MYH16: variants seen among roughly 807,000 people sequenced by gnomAD.
The protein encoded by MYH16 is putative uncharacterized protein MYH16.
chr7:99,294,545 GA>G lies in MYH16; in HGVS notation n.4282+405del, dbSNP rs200644722. On this transcript the variant is annotated intron_variant and non_coding_transcript_variant, in intron 33 of 41. Transcript: ENST00000439784. Reference sequence around the variant, plus strand: ...AAAAAGAAAAAGAAAAAGAAAAAAAGAAAAAAAAAATATATATATATATTTT... The same window carrying G: ...AAAAAGAAAAAGAAAAAGAAAAAAAGAAAAAAAAATATATATATATATTTT... Among the ~76,000 whole-genome samples, 242 of 77,746 alleles carry G rather than the reference GA, an allele frequency of 3.1e-3. No homozygotes were observed. In the East Asian group the frequency reaches 0.039, roughly 13 times the overall value. 51.0% of individuals were successfully genotyped at this position (77,746 alleles called of 152,430 possible).
intron 33 of MYH16, among the ~76,000 whole-genome samples, chr7:99,294,660 G>A (rs1212143906): frequency 6.6e-6 from 1 of 151,532 alleles, no homozygotes; most frequent in African/African-American, 2.4e-5. Flanking sequence ...CCACCTCCTG[G>A]ATTCAAGCAA....
At chr7:99,284,809 G>A (rs1792254803) in intron 25 of MYH16, 36 bp from the exon 8 acceptor site, 3 of 456,324 alleles carry the variant, frequency 6.6e-6, no homozygotes, top group Non-Finnish European at 1.3e-5. Context: ...TCTACCCTCA[G>A]AGCCTTTCCT....
At chr7:99,277,391 G>A (rs1372096848) in intron 20 of MYH16, 148 bp from the exon 3 acceptor site, 2 of 337,254 alleles carry the variant, frequency 5.9e-6, no homozygotes, top group Non-Finnish European at 1.2e-5. Flanking sequence ...CTGTGGAGAG[G>A]GACCCCACCC....
At chr7:99,297,720 A>G in exon 35 of MYH16, 1 of 456,618 alleles carries the variant, frequency 2.2e-6, no homozygotes. Context: ...CATGAACTGC[A>G]GAAGTTGAAG....
downstream of MYH16, among the ~76,000 whole-genome samples, chr7:99,310,424 C>T (rs965294835): frequency 1.4e-4 from 22 of 152,214 alleles, no homozygotes; most frequent in Admixed American, 9.8e-4. Flanking sequence ...ATAGCAAAAC[C>T]CCTTGTGACA....
intron 27 of MYH16, 44 bp downstream of exon 9, chr7:99,285,482 G>A (rs1192796635): frequency 8.8e-6 from 4 of 456,324 alleles, no homozygotes; most frequent in South Asian, 4.6e-5. Flanking sequence ...AAGACCTAAC[G>A]GCAGTCACAC....
intron 7 of MYH16, chr7:99,253,012 T>C (rs1325001344): frequency 1.3e-5 from 2 of 152,234 alleles, no homozygotes; most frequent in African/African-American, 4.8e-5. Context: ...ATGCCTGTAA[T>C]TCTAGCACTT....
intron 37 of MYH16, among the ~76,000 whole-genome samples, chr7:99,299,931 A>ATTTTT (rs771402707): frequency 3.3e-5 from 2 of 61,070 alleles, no homozygotes; most frequent in African/African-American, 1.5e-4. Flanking sequence ...ATTTTATTTT[A>ATTTTT]TTTATTTATT....
intron 32 of MYH16, 59 bp downstream of exon 13, chr7:99,292,567 C>G: frequency 2.3e-6 from 1 of 443,366 alleles, no homozygotes; most frequent in South Asian, 1.6e-5. Context: ...TGCTGGGGGC[C>G]TCACCACCAT....
chr7:99,255,560 C>T (rs1791861334), intron 8 of MYH16: 1 of 152,884 alleles, frequency 6.5e-6, no homozygotes. Context: ...CAAGGGTTAA[C>T]CTGCTTTGCT....
intron 13 of MYH16, chr7:99,262,023 C>G (rs1211412490): frequency 6.6e-6 from 1 of 152,196 alleles, no homozygotes; most frequent in Non-Finnish European, 1.5e-5. Flanking sequence ...TAACCTGGCT[C>G]TCTGACAGCT....
chr7:99,241,508 A>G (rs879869016), intron 1 of MYH16, among the ~76,000 whole-genome samples: 23 of 152,144 alleles, frequency 1.5e-4, no homozygotes, highest in African/African-American at 5.3e-4. Context: ...GCCTGAACCC[A>G]GGAGGCGGAG....
rs183763916 is a variant in MYH16, at chr7:99,274,119, G to A, written n.2485+696G>A. 7.2e-5 allele frequency among the ~76,000 whole-genome samples: 11 copies of A among 152,322 alleles called. No individual in the cohort carries two copies. The East Asian group carries it at 2.1e-3, about 29-fold the overall frequency. On this transcript the variant is annotated intron_variant and non_coding_transcript_variant, in intron 20 of 41. Transcript: ENST00000439784. ...CTGGGGGAACCTCAGGAAATGATAA[G>A]GTCCGACCTCTCATTTCCTGTTCTT...
chr7:99,264,095 G>A (rs1791964979), intron 14 of MYH16, among the ~76,000 whole-genome samples: 1 of 152,232 alleles, frequency 6.6e-6, no homozygotes, highest in Non-Finnish European at 1.5e-5. Flanking sequence ...CTCCCCGGTA[G>A]ATCTCATTTT....
rs1267029344 is a variant in MYH16 at position 99,302,299 on chromosome 7, CA to C, written n.5137+508del. The stretch of plus-strand genomic sequence containing the variant: ...AGCCTGGGTGACAGAGTGACCATCT[CA>C]AAAAAAAAAAAATATATACACACAC... On this transcript the variant is annotated intron_variant and non_coding_transcript_variant, in intron 38 of 41. Transcript: ENST00000439784. Among the ~76,000 whole-genome samples, 162 of 87,596 alleles carry C rather than the reference CA, an allele frequency of 1.8e-3. 8 individuals carry two copies. Among genetic ancestry groups the C allele is most frequent in the African/African-American group, 6.9e-3 (102 of 14,812 alleles). The allele number at this position is 87,596 out of a possible 152,430, so 57.5% of individuals were successfully genotyped here.
chr7:99,270,564 A>C (rs752998333), intron 18 of MYH16, among the ~76,000 whole-genome samples: 1 of 150,590 alleles, frequency 6.6e-6, no homozygotes. Flanking sequence ...TGATCCACCC[A>C]CCTCGGCCTC....
At position 99,244,467 on chromosome 7, in the gene MYH16, G is replaced by A. The variant is rs1278924668; in HGVS notation, n.354+1046G>A. ...CGTGTTGGTGTTTGCCTCTCTAGAT[G>A]TCTTTATTTAAAAGGAAAGAGGCTT... On this transcript the variant is annotated intron_variant and non_coding_transcript_variant, in intron 2 of 41. Coordinates refer to ENST00000439784, the Ensembl canonical transcript of MYH16. Among the ~76,000 whole-genome samples, 3 of 152,338 alleles carry A rather than the reference G, an allele frequency of 2.0e-5. No individual in the cohort carries two copies. The East Asian group carries it at 5.8e-4, about 29-fold the overall frequency.
At position 99,302,315 on chromosome 7, in the gene MYH16, TATACACACACACACAC is replaced by T. The variant is rs1188783905; in HGVS notation, n.5137+513_5137+528del. Among the ~76,000 whole-genome samples, 34 of 77,976 alleles carry T rather than the reference TATACACACACACACAC, an allele frequency of 4.4e-4. 1 individual carries two copies. The highest frequency in any genetic ancestry group is 2.3e-5 in the Non-Finnish European group (1 of 43,832). 51.2% of individuals were successfully genotyped at this position (77,976 alleles called of 152,430 possible). A position where few individuals can be genotyped will look rare whatever the true frequency, so the allele number is the denominator to read the frequency against. Reference sequence around the variant, plus strand: ...TGACCATCTCAAAAAAAAAAAAATATATACACACACACACACACACACACACACACACACACACACA... The same window carrying T: ...TGACCATCTCAAAAAAAAAAAAATATACACACACACACACACACACACACA... On this transcript the variant is annotated intron_variant and non_coding_transcript_variant, in intron 38 of 41. Coordinates refer to ENST00000439784, the Ensembl canonical transcript of MYH16.
At chr7:99,305,208 GGAAA>G (rs1045333150) in intron 40 of MYH16, among the ~76,000 whole-genome samples, 2 of 151,052 alleles carry the variant, frequency 1.3e-5, no homozygotes, top group African/African-American at 2.4e-5. Context: ...GAGAAAAGAA[GGAAA>G]GAAAGAAAGA....
Sources: allele counts gnomAD v4.1 joint callset (sites outside exome capture counted in the v4.1 genomes callset), GRCh38; gene constraint gnomAD v4.1.1; transcripts MANE v1.5; gene names NCBI Gene and HGNC (gene_info 2026-07-23, HGNC 2026-07-21).